CEP290: variants seen among roughly 807,000 people sequenced by gnomAD.
The protein encoded by CEP290 is centrosomal protein 290, also known as centrosomal protein of 290 kDa.
Under a neutral mutation model 344.9 loss-of-function variants are expected in CEP290, and 317 were observed. That is an observed-to-expected ratio of 0.92 (90% CI 0.84 to 1.01). The LOEUF is 1.01. Among genes scored for constraint, CEP290 ranks in the 50% least tolerant of loss-of-function variants. The pLI is 0.00. For missense variants in CEP290, 2,754 were observed against 2,761.4 expected (o/e 1.00, Z 0.06); for synonymous variants, 932 against 895.8 (o/e 1.04, Z -0.72).
intron 43 of CEP290, among the ~76,000 whole-genome samples, chr12:88,070,388 G>C (rs945865124): frequency 1.3e-5 from 2 of 152,196 alleles, no homozygotes; most frequent in African/African-American, 2.4e-5. Flanking sequence ...CACTGACAGA[G>C]AGAGCTCCAG....
In CEP290 at chr12:88,071,883, C is replaced by A. The variant is rs371737956; in HGVS notation, c.5753G>T (p.Trp1918Leu). ...ELIRWEEGKK[W>L]QAKIEGIRNK... ...TCGAATTCCTTCTATTTTGGCTTGC[C>A]ACTTTTTACCTTCTTCCCACCTAAT... The change falls in exon 42 of 54, where the codon TGG becomes TTG. Residue 1918 changes from tryptophan (W) to leucine (L), a missense_variant. Coordinates refer to ENST00000552810, the MANE Select transcript of CEP290 (RefSeq NM_025114.4). 8.1e-6 allele frequency: 13 copies of A among 1,600,576 alleles called. No homozygotes were observed. The African/African-American group carries it at 1.6e-4, about 20-fold the overall frequency.
In CEP290 at chr12:88,092,774, G is replaced by A; in HGVS notation, c.3368C>T (p.Ala1123Val). The change falls in exon 29 of 54, where the codon GCT (alanine) becomes GTT (valine). Residue 1123 changes from alanine (A) to valine (V), a missense_variant. Transcript: ENST00000552810. ...KVEQMLRDEL[A>V]DSVSKAVSDA... ...ACTTACTGCCTTGCTCACACTATCA[G>A]CTAATTCATCTCTTAACATCTGTTC... is the stretch of plus-strand genomic sequence containing the variant. The A allele has an allele frequency of 1.2e-6, 2 of 1,610,788 alleles. No individual in the cohort carries two copies. The highest frequency in any genetic ancestry group is 1.7e-6 in the Non-Finnish European group (2 of 1,178,566).
intron 38 of CEP290, 134 bp from the exon 39 acceptor site, chr12:88,079,363 T>C: frequency 1.5e-6 from 1 of 654,732 alleles, no homozygotes; most frequent in Non-Finnish European, 2.4e-6. Flanking sequence ...TAATGGAACA[T>C]ATTTCACAAA....
At chr12:88,129,149 C>T (rs909853854) in intron 10 of CEP290, 114 bp from the exon 11 acceptor site, 7 of 343,568 alleles carry the variant, frequency 2.0e-5, no homozygotes, top group East Asian at 8.9e-5. Flanking sequence ...CACACACATA[C>T]GTATTCATAC....
chr12:88,073,813 G>GT (rs1191632953), intron 41 of CEP290, among the ~76,000 whole-genome samples: 1 of 152,112 alleles, frequency 6.6e-6, no homozygotes, highest in African/African-American at 2.4e-5. Context: ...ACTAAGATTA[G>GT]TTGTCCTATC....
At position 88,090,841 on chromosome 12, in the gene CEP290, TAGG is replaced by T; in HGVS notation, c.3462-5_3462-3del. 1 of 1,521,056 alleles carries T rather than the reference TAGG, an allele frequency of 6.6e-7. No homozygotes were observed. The highest frequency in any genetic ancestry group is 1.4e-5 in the African/African-American group (1 of 72,706). 94.2% of individuals were successfully genotyped at this position (1,521,056 alleles called of 1,614,324 possible). A position where few individuals can be genotyped will look rare whatever the true frequency, so the allele number is the denominator to read the frequency against. On this transcript the variant is annotated splice_region_variant and splice_polypyrimidine_tract_variant and intron_variant, in intron 29 of 53. Coordinates refer to ENST00000552810, the MANE Select transcript of CEP290 (RefSeq NM_025114.4). The stretch of plus-strand genomic sequence containing the variant: ...GCAATATCAGAAATCTCTCTCAGTC[TAGG>T]AAATGATAAGGTATTTCAGGAACAA...
chr12:88,086,198 A>T (rs2036560537), intron 33 of CEP290, 25 bp from the exon 34 acceptor site: 2 of 1,599,384 alleles, frequency 1.3e-6, no homozygotes, highest in South Asian at 1.2e-5. Flanking sequence ...TATGTTTTTT[A>T]AAAAAGCAGT....
chr12:88,057,829 T>G (rs992562841), intron 49 of CEP290: 13 of 152,230 alleles, frequency 8.5e-5, no homozygotes, highest in African/African-American at 2.4e-4. Flanking sequence ...AAGACTCCCA[T>G]CCTAGTTGTA....
At chr12:88,101,946 T>C (rs2037923540) in intron 26 of CEP290, among the ~76,000 whole-genome samples, 1 of 152,192 alleles carries the variant, frequency 6.6e-6, no homozygotes, top group Admixed American at 6.5e-5. Flanking sequence ...TAAACATGAC[T>C]CATAATTTAG....
Position 88,084,234 on chromosome 12 carries a change from TC to T in CEP290, c.4705-281del, listed in dbSNP as rs36090565. Among the ~76,000 whole-genome samples, 4 of 152,148 alleles carry T rather than the reference TC, an allele frequency of 2.6e-5. No individual in the cohort carries two copies. In the East Asian group the frequency reaches 5.8e-4, roughly 22 times the overall value. On this transcript the variant is annotated intron_variant, in intron 35 of 53. Coordinates refer to ENST00000552810, the MANE Select transcript of CEP290 (RefSeq NM_025114.4). The stretch of plus-strand genomic sequence containing the variant: ...TCTAGAAAAAATTAAATGTTAGCTT[TC>T]CCCCACGAAGTTCTAACAAATCTGA...
At position 88,089,267 on chromosome 12, in the gene CEP290, T is replaced by C; in HGVS notation, c.3794A>G (p.Gln1265Arg). 6.2e-7 allele frequency: 1 copy of C among 1,614,024 alleles called. No individual in the cohort carries two copies. Among genetic ancestry groups the C allele is most frequent in the Non-Finnish European group, 8.5e-7 (1 of 1,179,876 alleles). The change falls in exon 31 of 54, where the codon CAA becomes CGA. Residue 1265 changes from glutamine to arginine, a missense_variant. Gln to Arg is a conservative substitution (Grantham distance 43). Coordinates refer to ENST00000552810, the MANE Select transcript of CEP290 (RefSeq NM_025114.4). Reference sequence around the variant, plus strand: ...CTGTCGTCGTAGAGACTGAATTGTTTGGCGCAGATGTTTTGCTCTGTTTCT... The same window carrying C: ...CTGTCGTCGTAGAGACTGAATTGTTCGGCGCAGATGTTTTGCTCTGTTTCT... ...EGRNRAKHLRQTIQSLRRQFS... is the reference protein window; with the variant it reads ...EGRNRAKHLRRTIQSLRRQFS...
intron 52 of CEP290, 35 bp downstream of exon 52, chr12:88,053,617 T>G: frequency 3.7e-6 from 4 of 1,068,980 alleles, no homozygotes; most frequent in African/African-American, 1.6e-5. Context: ...TTCAAAAACT[T>G]GGGGGTAGCT....
intron 20 of CEP290, among the ~76,000 whole-genome samples, chr12:88,113,694 T>C (rs1442666650): frequency 6.6e-6 from 1 of 152,042 alleles, no homozygotes; most frequent in African/African-American, 2.4e-5. Context: ...TTCAAGTTTA[T>C]ATACAGATAC....
At position 88,108,011 on chromosome 12, in the gene CEP290, T is replaced by C. The variant is rs145310193; in HGVS notation, c.2484-913A>G. ...ACACCATGTTGTATAGCATAGTATATACATATATAGAACACCATGTTGTAT... is the reference window on the plus strand; with the variant it reads ...ACACCATGTTGTATAGCATAGTATACACATATATAGAACACCATGTTGTAT... On this transcript the variant is annotated intron_variant, in intron 23 of 53. Coordinates refer to ENST00000552810, the MANE Select transcript of CEP290 (RefSeq NM_025114.4). Among the ~76,000 whole-genome samples, 32 of 152,044 alleles carry C rather than the reference T, an allele frequency of 2.1e-4. No individual in the cohort carries two copies. In the East Asian group the frequency reaches 5.8e-3, roughly 28 times the overall value.
At position 88,109,155 on chromosome 12, in the gene CEP290, T is replaced by C. The variant is rs542236778; in HGVS notation, c.2394A>G (p.Leu798=). ...CTTCAAGAGAATCTTCTAAATTCTT[T>C]AACTTTTTTTCTTTATTTTCTAGTT... ...LQELENKEKK[L]KNLEDSLEDY... The change falls in exon 23 of 54, where the codon TTA becomes TTG. Residue 798 remains leucine, a synonymous_variant. Transcript: ENST00000552810. 5.8e-6 allele frequency: 8 copies of C among 1,370,758 alleles called. No homozygotes were observed. The East Asian group carries it at 2.0e-4, about 35-fold the overall frequency. The allele number at this position is 1,370,758 out of a possible 1,614,324, so 84.9% of individuals were successfully genotyped here.
At chr12:88,120,537 C>A (rs543911184) in intron 14 of CEP290, among the ~76,000 whole-genome samples, 1 of 152,164 alleles carries the variant, frequency 6.6e-6, no homozygotes, top group South Asian at 2.1e-4. Context: ...AAAACACTTA[C>A]CAAAATACTA....
At chr12:88,068,817 GTAT>G (rs1187046001) in intron 43 of CEP290, among the ~76,000 whole-genome samples, 172 bp from the exon 44 acceptor site, 1 of 151,964 alleles carries the variant, frequency 6.6e-6, no homozygotes, top group East Asian at 1.9e-4. Flanking sequence ...ATCAAAATTA[GTAT>G]TATAAAATAA....
intron 41 of CEP290, among the ~76,000 whole-genome samples, chr12:88,075,687 G>T (rs1254788635): frequency 1.3e-5 from 2 of 152,032 alleles, no homozygotes; most frequent in Non-Finnish European, 2.9e-5. Context: ...AGAGAAAAGG[G>T]TACTAAAATT....
intron 17 of CEP290, among the ~76,000 whole-genome samples, chr12:88,118,250 T>C (rs868062508): frequency 1.3e-5 from 2 of 152,212 alleles, no homozygotes; most frequent in Middle Eastern, 3.4e-3. Flanking sequence ...GGTTTTTTTC[T>C]TTTTTGTTTG....
Sources: allele counts gnomAD v4.1 joint callset (sites outside exome capture counted in the v4.1 genomes callset), GRCh38; gene constraint gnomAD v4.1.1; transcripts MANE v1.5; gene names NCBI Gene and HGNC (gene_info 2026-07-23, HGNC 2026-07-21).